ELMO1: variants seen among roughly 807,000 people sequenced by gnomAD.
ELMO1 encodes the protein engulfment and cell motility protein 1.
In ELMO1, 26 loss-of-function variants were observed where a neutral mutation model predicts 98.9. That is an observed-to-expected ratio of 0.26 (90% CI 0.19 to 0.36). The LOEUF (loss-of-function observed/expected upper bound fraction) is 0.36. Among genes scored for constraint, ELMO1 ranks in the 10% least tolerant of loss-of-function variants. ELMO1 has a pLI of 1.00. For missense variants in ELMO1, 627 were observed against 935.2 expected (o/e 0.67, Z 4.30); for synonymous variants, 346 against 346.0 (o/e 1.00, Z 0.00).
chr7:37,304,467 G>A (rs918005625), intron 4 of ELMO1, among the ~76,000 whole-genome samples: 3 of 152,210 alleles, frequency 2.0e-5, no homozygotes, highest in Non-Finnish European at 4.4e-5. Context: ...TGTAATCCCA[G>A]CACTTTGGGA....
intron 16 of ELMO1, among the ~76,000 whole-genome samples, chr7:36,991,941 C>T (rs530430563): frequency 1.3e-5 from 2 of 152,220 alleles, no homozygotes; most frequent in Non-Finnish European, 2.9e-5. Context: ...AGGTGTCCAT[C>T]TGTGGAGCAC....
intron 1 of ELMO1, among the ~76,000 whole-genome samples, chr7:37,400,073 TG>T (rs1237432710): frequency 6.6e-6 from 1 of 152,224 alleles, no homozygotes; most frequent in Non-Finnish European, 1.5e-5. Context: ...CTATTTAATA[TG>T]GTACAAGTTT....
intron 15 of ELMO1, among the ~76,000 whole-genome samples, chr7:37,014,021 C>G (rs1257796929): frequency 6.6e-6 from 1 of 152,096 alleles, no homozygotes; most frequent in African/African-American, 2.4e-5. Flanking sequence ...GGCTGGAAGT[C>G]AAAGCAACCT....
chr7:37,287,189 CT>C (rs1797434446), intron 4 of ELMO1, among the ~76,000 whole-genome samples: 2 of 145,686 alleles, frequency 1.4e-5, no homozygotes, highest in African/African-American at 5.3e-5. Context: ...CAAGAGACTC[CT>C]TCTCAAAAAA....
intron 18 of ELMO1, among the ~76,000 whole-genome samples, chr7:36,883,799 T>C (rs1032696585): frequency 2.0e-5 from 3 of 152,298 alleles, no homozygotes; most frequent in Admixed American, 6.5e-5. Flanking sequence ...CATTTCTTTA[T>C]AGTAATGCGA....
At chr7:37,405,621 T>C (rs1011308281) in intron 1 of ELMO1, among the ~76,000 whole-genome samples, 1 of 152,192 alleles carries the variant, frequency 6.6e-6, no homozygotes, top group African/African-American at 2.4e-5. Context: ...TGAAGTCATG[T>C]GTGGCATGCT....
At chr7:37,405,149 G>A (rs1803702540) in intron 1 of ELMO1, among the ~76,000 whole-genome samples, 6 of 152,084 alleles carry the variant, frequency 3.9e-5, no homozygotes, top group Admixed American at 3.9e-4. Context: ...GATTTTATCT[G>A]AATGAATCTT....
chr7:36,955,985 C>T (rs999212047), intron 16 of ELMO1, among the ~76,000 whole-genome samples: 3 of 152,204 alleles, frequency 2.0e-5, no homozygotes, highest in African/African-American at 7.2e-5. Flanking sequence ...CTCTCCTCTG[C>T]TAGACCACTC....
At chr7:37,214,406 C>T (rs1018678225) in intron 11 of ELMO1, among the ~76,000 whole-genome samples, 6 of 152,086 alleles carry the variant, frequency 3.9e-5, no homozygotes, top group Admixed American at 6.5e-5. Context: ...TCTAAGTGGC[C>T]GTTCAGTAAA....
chr7:37,357,323 A>G (rs956626090), intron 1 of ELMO1, among the ~76,000 whole-genome samples: 1 of 152,204 alleles, frequency 6.6e-6, no homozygotes, highest in African/African-American at 2.4e-5. Flanking sequence ...ACAGTGGCCC[A>G]TATGATGGTT....
chr7:37,401,736 A>T (rs1290548509), intron 1 of ELMO1, among the ~76,000 whole-genome samples: 2 of 152,180 alleles, frequency 1.3e-5, no homozygotes, highest in Non-Finnish European at 2.9e-5. Context: ...TGCCACCATG[A>T]TTCAATTACC....
chr7:37,312,734 C>A (rs1207373011), intron 4 of ELMO1, among the ~76,000 whole-genome samples: 1 of 152,156 alleles, frequency 6.6e-6, no homozygotes, highest in Admixed American at 6.5e-5. Context: ...CAGGACACCA[C>A]CAGGGGCCAT....
chr7:37,190,019 A>G (rs1008089534), intron 13 of ELMO1, among the ~76,000 whole-genome samples: 1 of 128,228 alleles, frequency 7.8e-6, no homozygotes, highest in Admixed American at 9.0e-5. Flanking sequence ...TTCTAGAGAC[A>G]TTTTATCGTT....
chr7:37,229,769 A>C (rs887747868), intron 8 of ELMO1, among the ~76,000 whole-genome samples: 2 of 152,260 alleles, frequency 1.3e-5, no homozygotes, highest in Non-Finnish European at 2.9e-5. Context: ...ACAGATCTCT[A>C]AGTAGCAATG....
chr7:37,298,285 TTG>T (rs1464525614), intron 4 of ELMO1, among the ~76,000 whole-genome samples: 855 of 39,082 alleles, frequency 0.022, 9 homozygotes, highest in Middle Eastern at 0.068. Context: ...GAAGTTTTTT[TTG>T]TTTTTTTTTT....
intron 7 of ELMO1, among the ~76,000 whole-genome samples, chr7:37,243,227 T>G (rs1314958583): frequency 6.6e-6 from 1 of 152,178 alleles, no homozygotes; most frequent in African/African-American, 2.4e-5. Flanking sequence ...AATAAATTAT[T>G]TTGGCTTCAG....
chr7:37,327,150 G>A (rs572697303), intron 2 of ELMO1, among the ~76,000 whole-genome samples: 2 of 152,182 alleles, frequency 1.3e-5, no homozygotes, highest in African/African-American at 2.4e-5. Flanking sequence ...GACTCTAGAC[G>A]CACAGAAGGC....
intron 1 of ELMO1, among the ~76,000 whole-genome samples, chr7:37,422,483 G>C (rs28429674): frequency 1.3e-5 from 2 of 152,136 alleles, no homozygotes; most frequent in African/African-American, 2.4e-5. Context: ...AGAGAAGCTC[G>C]TGTGGTTTTC....
intron 15 of ELMO1, among the ~76,000 whole-genome samples, chr7:37,031,202 C>T (rs1163123765): frequency 6.6e-6 from 1 of 152,110 alleles, no homozygotes; most frequent in Non-Finnish European, 1.5e-5. Flanking sequence ...ATGAGGAGCT[C>T]ATCAAAACCT....
Sources: gnomAD v4.1 joint callset for allele counts (sites outside exome capture counted in the v4.1 genomes callset) on GRCh38, gnomAD v4.1.1 for gene constraint, MANE v1.5 for transcripts, NCBI Gene and HGNC (gene_info 2026-07-23, HGNC 2026-07-21) for gene names.